Variants in ABR observed in about 807,000 individuals in gnomAD.
ABR encodes active breakpoint cluster region-related protein.
A neutral mutation model predicts 107.2 loss-of-function variants in ABR; 35 were observed. The observed-to-expected ratio is 0.33, with a 90% CI of 0.25 to 0.43. ABR has a LOEUF of 0.43. Ranked by LOEUF, ABR falls within the 20% of genes least tolerant of loss-of-function variation. The pLI is 1.00. For synonymous variants in ABR, 498 were observed against 462.0 expected (o/e 1.08, Z -1.00); for missense variants, 815 against 1,115.2 (o/e 0.73, Z 3.83).
rs1265001331 is a variant in ABR at position 1,050,715 on chromosome 17, G to T, written c.1562-81C>A. 4 of 1,122,390 alleles carry T rather than the reference G, an allele frequency of 3.6e-6. No homozygotes were observed. Among genetic ancestry groups the T allele is most frequent in the Non-Finnish European group, 4.1e-6 (3 of 738,666 alleles). The allele number at this position is 1,122,390 out of a possible 1,614,324, so 69.5% of individuals were successfully genotyped here. A position where few individuals can be genotyped will look rare whatever the true frequency, so the allele number is the denominator to read the frequency against. On this transcript the variant is annotated intron_variant, in intron 14 of 22. Coordinates refer to ENST00000302538, the MANE Select transcript of ABR (RefSeq NM_021962.5). The surrounding 1 kb of genome is among the most constrained non-coding windows in gnomAD (Gnocchi z 4.6). ...TGGGGCGGCACTCAGGATGGAGGGG[G>T]ACATCGCATCTGTCCTTTCCAACGT... is the stretch of plus-strand genomic sequence containing the variant.
At chr17:1,056,350 C>T (rs1043837034) in intron 13 of ABR, among the ~76,000 whole-genome samples, 4 of 152,158 alleles carry the variant, frequency 2.6e-5, no homozygotes, top group African/African-American at 9.7e-5. Context: ...AGCACACCCA[C>T]CATCCTGGCC....
chr17:1,092,544 G>A lies in ABR; in HGVS notation c.346-694C>T, dbSNP rs373764576. On this transcript the variant is annotated intron_variant, in intron 3 of 22. Transcript: ENST00000302538. The surrounding 1 kb of genome is among the most constrained non-coding windows in gnomAD (Gnocchi z 4.6). ...GCCTGCCAGTGTAGACGGTGAGGTG[G>A]CAGATAACACAGACCAACCCCCAGC... Among the ~76,000 whole-genome samples the A allele has an allele frequency of 5.9e-5, 9 of 152,158 alleles. No individual in the cohort carries two copies. The highest frequency in any genetic ancestry group is 2.1e-4 in the South Asian group (1 of 4,822).
At chr17:1,024,378 C>A (rs369027939) in intron 16 of ABR, among the ~76,000 whole-genome samples, 277 of 152,366 alleles carry the variant, frequency 1.8e-3, no homozygotes, top group African/African-American at 6.3e-3. Context: ...AGGCAGGACA[C>A]CGCGGGTGAG....
At chr17:1,187,900 T>C (rs1394370573), upstream of ABR, among the ~76,000 whole-genome samples, 2 of 148,908 alleles carry the variant, frequency 1.3e-5, no homozygotes, top group African/African-American at 5.0e-5. Flanking sequence ...CCTCTCAAAA[T>C]AAATAAATAA....
intron 3 of ABR, among the ~76,000 whole-genome samples, chr17:1,096,956 G>A (rs867874056): frequency 6.7e-6 from 1 of 150,270 alleles, no homozygotes; most frequent in African/African-American, 2.4e-5. Context: ...CCGGGGAGGA[G>A]AGAGCCGGGG....
rs1447399385 is a variant in ABR, at chr17:1,219,624, G to A, written c.838+9169C>T. The stretch of plus-strand genomic sequence containing the variant: ...AAGTTAGCCAGGCACAGTGGCCCTC[G>A]CCTGTAATCCCAGCTACTCAGGAGG... On this transcript the variant is annotated intron_variant, in intron 1 of 22. Coordinates refer to the ABR transcript ENST00000574139. Among the ~76,000 whole-genome samples, 4 of 141,300 alleles carry A rather than the reference G, an allele frequency of 2.8e-5. No individual in the cohort carries two copies. In the South Asian group the frequency reaches 7.4e-4, roughly 26 times the overall value. The allele number at this position is 141,300 out of a possible 152,430, so 92.7% of individuals were successfully genotyped here.
chr17:1,145,843 C>T (rs1012582552), intron 1 of ABR, among the ~76,000 whole-genome samples: 2 of 152,210 alleles, frequency 1.3e-5, no homozygotes, highest in Admixed American at 6.5e-5. Context: ...TCGCCCAAGG[C>T]GTCCACTTGC....
chr17:1,218,321 G>A (rs2043052624), intron 1 of ABR, among the ~76,000 whole-genome samples: 1 of 152,226 alleles, frequency 6.6e-6, no homozygotes, highest in Non-Finnish European at 1.5e-5. Context: ...TTCAAAGCCA[G>A]GCTCTTAACC....
chr17:1,056,107 C>T lies in ABR; in HGVS notation c.1489G>A (p.Asp497Asn), dbSNP rs895989364. 3 of 1,613,976 alleles carry T rather than the reference C, an allele frequency of 1.9e-6. No individual in the cohort carries two copies. The highest frequency in any genetic ancestry group is 2.5e-6 in the Non-Finnish European group (3 of 1,179,868). Reference protein sequence around the residue: ...NIPVTSNKDDDESPGLYGFLH... With the variant: ...NIPVTSNKDDNESPGLYGFLH... The stretch of plus-strand genomic sequence containing the variant: ...AAGCCATAGAGTCCTGGAGACTCAT[C>T]GTCTGCAAGAGAGAAAAGCCCCCAG... The change falls in exon 14 of 23, where the codon GAT (aspartate) becomes AAT (asparagine). Residue 497 changes from aspartate to asparagine, a missense_variant and splice_region_variant. By Grantham distance (23) the Asp-to-Asn change is conservative (BLOSUM62 1). Around this residue, in one of 5 missense-constraint regions of ABR, gnomAD observed 385 missense variants for 596.9 expected, o/e 0.64. Transcript: ENST00000302538.
Position 1,058,330 on chromosome 17 carries a change from G to C in ABR, c.1306-285C>G, listed in dbSNP as rs569857831. 2.0e-5 allele frequency among the ~76,000 whole-genome samples: 3 copies of C among 152,226 alleles called. No individual in the cohort carries two copies. In the East Asian group the frequency reaches 5.8e-4, roughly 29 times the overall value. ...AATTTTTGTGTTTTTAGTAGAGACA[G>C]AGTTTTGCCATGTTGGCCAGGCTGG... On this transcript the variant is annotated intron_variant, in intron 11 of 22. Transcript: ENST00000302538.
At chr17:1,072,112 C>T (rs1040410722) in intron 8 of ABR, among the ~76,000 whole-genome samples, 1 of 152,184 alleles carries the variant, frequency 6.6e-6, no homozygotes, top group Non-Finnish European at 1.5e-5. Flanking sequence ...CCATGTTGGC[C>T]AGGCTGGTCT....
rs544172437 is a variant in ABR, at chr17:1,125,715, G to A, written c.62-348C>T. ...TAACAGTGGGAGCAAGAGGCAGGAC[G>A]CTTCCAACTCTCCTCTCTGAGTCAC... On this transcript the variant is annotated intron_variant, in intron 1 of 22. Coordinates refer to ENST00000302538, the MANE Select transcript of ABR (RefSeq NM_021962.5). 3.1e-5 allele frequency: 10 copies of A among 319,014 alleles called. No homozygotes were observed. In the South Asian group the frequency reaches 1.0e-3, roughly 32 times the overall value. The allele number at this position is 319,014 out of a possible 1,614,324, so 19.8% of individuals were successfully genotyped here.
chr17:1,079,311 A>C lies in ABR; in HGVS notation c.700+19T>G. On this transcript the variant is annotated intron_variant, in intron 6 of 22. Coordinates refer to ENST00000302538, the MANE Select transcript of ABR (RefSeq NM_021962.5). ...AGACAAAGGTAGGTGCCTGTAATCC[A>C]GCCCGCTCCCCGAGGTACCTTCCAT... is the stretch of plus-strand genomic sequence containing the variant. 4 of 1,611,788 alleles carry C rather than the reference A, an allele frequency of 2.5e-6. No homozygotes were observed. Among genetic ancestry groups the C allele is most frequent in the Non-Finnish European group, 3.4e-6 (4 of 1,178,874 alleles).
At position 1,021,665 on chromosome 17, in the gene ABR, G is replaced by A. The variant is rs187872776; in HGVS notation, c.1792-8501C>T. Among the ~76,000 whole-genome samples the A allele has an allele frequency of 6.2e-4, 94 of 151,822 alleles. 1 individual carries two copies. The highest frequency in any genetic ancestry group is 7.8e-4 in the East Asian group (4 of 5,104). ...CTAAAAATACAAAAATTAGCCAGGC[G>A]TGGTGGCGGGTGCCTGTAATCCCAG... On this transcript the variant is annotated intron_variant, in intron 16 of 22. Transcript: ENST00000302538.
At chr17:1,045,391 AGGACAATCTTCCGTCTTCTTACAG>A (rs2031416704) in intron 16 of ABR, among the ~76,000 whole-genome samples, 1 of 125,756 alleles carries the variant, frequency 8.0e-6, no homozygotes, top group Admixed American at 8.7e-5. Context: ...TTCTTACAGC[AGGACAATCTTCCGTCTTCTTACAG>A]CAGGACAATC....
At chr17:1,194,214 G>GTC (rs748961468) in intron 1 of ABR, among the ~76,000 whole-genome samples, 8 of 151,298 alleles carry the variant, frequency 5.3e-5, no homozygotes, top group Non-Finnish European at 1.0e-4. Flanking sequence ...TTGAGACAGA[G>GTC]TCTCTCTCTG....
At chr17:1,063,462 C>T (rs1444410773) in intron 10 of ABR, among the ~76,000 whole-genome samples, 4 of 149,202 alleles carry the variant, frequency 2.7e-5, no homozygotes, top group African/African-American at 7.3e-5. Flanking sequence ...TATGCATGTT[C>T]CTCTAGACGC....
At chr17:1,089,526 G>A (rs117912072) in intron 4 of ABR, among the ~76,000 whole-genome samples, 1,764 of 152,284 alleles carry the variant, frequency 0.012, 30 homozygotes, top group Middle Eastern at 0.048. Flanking sequence ...GGAGAAACAG[G>A]ACTCTCAGGA....
intron 3 of ABR, among the ~76,000 whole-genome samples, chr17:1,096,459 T>G (rs1204067086): frequency 6.6e-6 from 1 of 151,840 alleles, no homozygotes; most frequent in Admixed American, 6.6e-5. Flanking sequence ...AGCTGAGGGG[T>G]GGGGAGGGTG....
Sources: gnomAD v4.1 joint callset for allele counts (sites outside exome capture counted in the v4.1 genomes callset) on GRCh38, gnomAD v4.1.1 for gene constraint, gnomAD v4.1.1 regional missense constraint, Gnocchi (gnomAD v3.1) non-coding constraint, MANE v1.5 for transcripts, NCBI Gene and HGNC (gene_info 2026-07-23, HGNC 2026-07-21) for gene names.